The following SLCO6A1 variants were observed in gnomAD, a reference collection of about 807,000 sequenced individuals.
SLCO6A1 encodes solute carrier organic anion transporter family member 6A1, also known as cancer/testis antigen 48.
In SLCO6A1, 65 loss-of-function variants were observed where a neutral mutation model predicts 72.7. The observed-to-expected ratio is 0.89, with a 90% confidence interval of 0.73 to 1.10. SLCO6A1 has a LOEUF of 1.10. SLCO6A1 is among the 50% of genes least tolerant of loss of function. The probability of loss-of-function intolerance (pLI) is 0.00; values close to 1 mark genes in which losing one functional copy is unlikely to be tolerated. For synonymous variants in SLCO6A1, 314 were observed against 298.2 expected, an observed-to-expected ratio of 1.05 and a Z score of -0.55; for missense variants, 874 against 872.6, an observed-to-expected ratio of 1.00 and a Z score of -0.02.
intron 4 of SLCO6A1, among the ~76,000 whole-genome samples, chr5:102,472,024 C>T (rs1022553320): frequency 7.9e-5 from 12 of 151,976 alleles, no homozygotes; most frequent in Non-Finnish European, 1.2e-4. Context: ...GAATAAATGC[C>T]GTAATCTTAA....
chr5:102,490,703 A>G (rs1014903277), intron 1 of SLCO6A1, among the ~76,000 whole-genome samples: 5 of 151,972 alleles, frequency 3.3e-5, no homozygotes, highest in African/African-American at 1.2e-4. Flanking sequence ...GCAGACCTTC[A>G]TGGTGAGTGT....
At chr5:102,417,793 G>C (rs1748368652) in intron 8 of SLCO6A1, among the ~76,000 whole-genome samples, 3 of 152,070 alleles carry the variant, frequency 2.0e-5, no homozygotes, top group African/African-American at 7.2e-5. Flanking sequence ...CAGGAGTTAA[G>C]ACCAGCCTGG....
intron 6 of SLCO6A1, among the ~76,000 whole-genome samples, chr5:102,455,102 G>T (rs1254428790): frequency 6.7e-6 from 1 of 150,096 alleles, no homozygotes; most frequent in African/African-American, 2.5e-5. Flanking sequence ...TATAAGGTGA[G>T]ATTTGACAAA....
At chr5:102,427,862 ATATTTTTT>A (rs1303720841) in intron 7 of SLCO6A1, among the ~76,000 whole-genome samples, 64 of 103,380 alleles carry the variant, frequency 6.2e-4, no homozygotes, top group East Asian at 1.7e-3. Flanking sequence ...ATATATATAT[ATATTTTTT>A]TTTTTTTTTT....
chr5:102,389,452 A>ACCCCCCCCCCCCCCC (rs1203152155), intron 11 of SLCO6A1, among the ~76,000 whole-genome samples: 3 of 58,070 alleles, frequency 5.2e-5, no homozygotes, highest in Non-Finnish European at 1.0e-4. Context: ...CCCGCCCCCC[A>ACCCCCCCCCCCCCCC]CCCCCACACA....
chr5:102,460,562 T>C (rs1349393936), intron 4 of SLCO6A1, among the ~76,000 whole-genome samples: 1 of 152,234 alleles, frequency 6.6e-6, no homozygotes, highest in East Asian at 1.9e-4. Flanking sequence ...TATTCTATCA[T>C]TTAAGGAGGA....
chr5:102,382,284 C>T (rs1444135200), intron 12 of SLCO6A1, among the ~76,000 whole-genome samples: 1 of 151,612 alleles, frequency 6.6e-6, no homozygotes, highest in African/African-American at 2.4e-5. Context: ...TGTTAAAGAT[C>T]AATTGTCTAT....
chr5:102,470,629 G>C (rs1561488684), intron 4 of SLCO6A1, among the ~76,000 whole-genome samples: 1 of 151,772 alleles, frequency 6.6e-6, no homozygotes, highest in Non-Finnish European at 1.5e-5. Context: ...TTGATTTTTT[G>C]AAGGGTTTTT....
intron 1 of SLCO6A1, among the ~76,000 whole-genome samples, chr5:102,481,830 A>G (rs1752210110): frequency 6.6e-6 from 1 of 152,182 alleles, no homozygotes; most frequent in Non-Finnish European, 1.5e-5. Context: ...TTTAATCACA[A>G]ACCTGAATGG....
intron 9 of SLCO6A1, among the ~76,000 whole-genome samples, chr5:102,402,813 T>A (rs991163640): frequency 6.6e-6 from 1 of 152,220 alleles, no homozygotes; most frequent in Admixed American, 6.5e-5. Flanking sequence ...TCAATGACTT[T>A]TTCCTCATTT....
intron 9 of SLCO6A1, among the ~76,000 whole-genome samples, chr5:102,407,370 G>A (rs907999644): frequency 1.3e-5 from 2 of 152,160 alleles, no homozygotes; most frequent in East Asian, 3.9e-4. Flanking sequence ...TGCCTATTGG[G>A]TACTGCTGCA....
intron 9 of SLCO6A1, among the ~76,000 whole-genome samples, chr5:102,400,327 T>C (rs1747329214): frequency 6.6e-6 from 1 of 151,902 alleles, no homozygotes; most frequent in Non-Finnish European, 1.5e-5. Flanking sequence ...ATAAAATGAA[T>C]ATATAATGAT....
chr5:102,453,601 A>G (rs1452057), intron 6 of SLCO6A1, among the ~76,000 whole-genome samples: 96,800 of 151,954 alleles, frequency 0.64, 31,016 homozygotes, highest in African/African-American at 0.66. Context: ...CACCCTCAGG[A>G]GTTGCGTTAT....
At chr5:102,451,358 G>A (rs10463981) in intron 6 of SLCO6A1, among the ~76,000 whole-genome samples, 43,015 of 151,998 alleles carry the variant, frequency 0.28, 6,358 homozygotes, top group South Asian at 0.35. Context: ...TGTAGTGGAG[G>A]CTAGGCCCTC....
rs150503301 is a variant in SLCO6A1, at chr5:102,498,510, T to C, written c.335A>G (p.Tyr112Cys). The change falls in exon 1 of 14, where the codon TAC becomes TGC. Residue 112 changes from tyrosine (Y) to cysteine (C), a missense_variant. Transcript: ENST00000506729. ...ACCTTGACATATGAGCAGGATGCAG[T>C]AGAAAATCATGAAGCAGCGAATGTT... ...CNNIRCFMIF[Y>C]CILLICQGVV... 1.9e-6 allele frequency: 3 copies of C among 1,613,694 alleles called. No individual in the cohort carries two copies. Among genetic ancestry groups the C allele is most frequent in the Admixed American group, 1.7e-5 (1 of 59,974 alleles).
chr5:102,404,705 G>A (rs1199416416), intron 9 of SLCO6A1, among the ~76,000 whole-genome samples: 1 of 151,992 alleles, frequency 6.6e-6, no homozygotes, highest in African/African-American at 2.4e-5. Flanking sequence ...TTACTATAAT[G>A]GATTTATGTA....
chr5:102,477,973 CT>C, intron 2 of SLCO6A1, 112 bp from the exon 3 acceptor site: 1 of 1,007,108 alleles, frequency 9.9e-7, no homozygotes, highest in Non-Finnish European at 1.4e-6. Flanking sequence ...ATGCTTTTTT[CT>C]TTTAGTTAAC....
rs764417785 is a variant in SLCO6A1, at chr5:102,459,734, A to C, written c.943T>G (p.Trp315Gly). The C allele has an allele frequency of 6.2e-7, 1 of 1,610,648 alleles. No homozygotes were observed. Among genetic ancestry groups the C allele is most frequent in the South Asian group, 1.1e-5 (1 of 90,556 alleles). The part of the protein sequence containing the change: ...NGSPEWLWTW[W>G]INFLFAAVVA... ...ACAGCGGCAAAAAGAAAATTAATCC[A>C]CCAAGTCCATAGCCATTCTGGACTA... Residue 315 changes from tryptophan (W) to glycine (G), a missense_variant, in exon 5 of 14, where the codon TGG (tryptophan) becomes GGG (glycine). Transcript: ENST00000506729.
intron 1 of SLCO6A1, among the ~76,000 whole-genome samples, chr5:102,496,214 C>T (rs978672851): frequency 5.9e-5 from 9 of 152,086 alleles, no homozygotes; most frequent in South Asian, 2.1e-4. Context: ...AAAGAGAAGG[C>T]GAAGGAACAA....
Sources: allele counts gnomAD v4.1 joint callset (sites outside exome capture counted in the v4.1 genomes callset), GRCh38; gene constraint gnomAD v4.1.1; transcripts MANE v1.5; gene names NCBI Gene and HGNC (gene_info 2026-07-23, HGNC 2026-07-21).